The following KRAS variants were observed in gnomAD, a reference collection of about 807,000 sequenced individuals.
KRAS encodes KRas proto-oncogene, GTPase.
Under a neutral mutation model 21.0 loss-of-function variants are expected in KRAS, and 1 was observed. The ratio of observed to expected loss-of-function variants is 0.05; its 90% CI spans 0.02 to 0.23. The LOEUF is 0.23. Among genes scored for constraint, KRAS ranks in the 10% least tolerant of loss-of-function variants. The pLI is 1.00. For synonymous variants in KRAS, 67 were observed against 72.5 expected (o/e 0.92, Z 0.39); for missense variants, 107 against 221.8 (o/e 0.48, Z 3.29).
chr12:25,215,647 T>G (rs942442847), intron 4 of KRAS: 43 of 1,158,698 alleles, frequency 3.7e-5, no homozygotes, highest in Non-Finnish European at 5.0e-5. Context: ...AGTTTGAGAT[T>G]ATGAGCTTGA....
intron 2 of KRAS, chr12:25,234,912 A>T: frequency 4.0e-6 from 1 of 247,244 alleles, no homozygotes. Flanking sequence ...TGTTTACTAT[A>T]TTGTAGTAAA....
intron 4 of KRAS, among the ~76,000 whole-genome samples, chr12:25,222,723 C>G (rs1348374705): frequency 6.6e-6 from 1 of 151,982 alleles, no homozygotes; most frequent in African/African-American, 2.4e-5. Context: ...CTGTATAAAA[C>G]CTAAAAATCT....
intron 4 of KRAS, among the ~76,000 whole-genome samples, chr12:25,221,311 C>T (rs977417012): frequency 1.3e-5 from 2 of 150,730 alleles, no homozygotes; most frequent in Non-Finnish European, 2.9e-5. Context: ...GGGCTCACTA[C>T]AGCCTCTGCC....
At position 25,208,708 on chromosome 12, in the gene KRAS, C is replaced by CCAA. The variant is rs777157397; in HGVS notation, c.*1084_*1086dup. 4.3e-5 allele frequency: 10 copies of CCAA among 232,918 alleles called. No homozygotes were observed. Among genetic ancestry groups the CCAA allele is most frequent in the African/African-American group, 1.3e-4 (6 of 45,434 alleles). 14.4% of individuals were successfully genotyped at this position (232,918 alleles called of 1,614,324 possible). A position where few individuals can be genotyped will look rare whatever the true frequency, so the allele number is the denominator to read the frequency against. On this transcript the variant is annotated 3_prime_UTR_variant, in exon 5 of 5. Transcript: ENST00000311936. ...CCTAGTCCCTCCCCATTTTGACTAA[C>CCAA]CAATGCATGACAACACTGGATGACC...
At chr12:25,232,850 GACATA>G (rs1951491742) in intron 2 of KRAS, among the ~76,000 whole-genome samples, 1 of 152,078 alleles carries the variant, frequency 6.6e-6, no homozygotes, top group Non-Finnish European at 1.5e-5. Context: ...CATTTCTGGT[GACATA>G]ATAAGCACAA....
chr12:25,250,896 C>CGCT lies in KRAS; in HGVS notation c.-160_-158dup, dbSNP rs397517034. 410 of 250,204 alleles carry CGCT rather than the reference C, an allele frequency of 1.6e-3. 2 individuals carry two copies. The highest frequency in any genetic ancestry group is 8.6e-3 in the African/African-American group (385 of 44,750). The allele number at this position is 250,204 out of a possible 1,614,324, so 15.5% of individuals were successfully genotyped here. ...CCTTCGCCGCCGCCACTGCCGCCGC[C>CGCT]GCTGCTGCCTCCGCCGCCGCGGCCG... On this transcript the variant is annotated 5_prime_UTR_variant, in exon 1 of 5. Transcript: ENST00000311936.
chr12:25,209,084 C>T lies in KRAS; in HGVS notation c.*711G>A, dbSNP rs188697761. On this transcript the variant is annotated 3_prime_UTR_variant, in exon 5 of 5. Coordinates refer to ENST00000311936, the MANE Select transcript of KRAS (RefSeq NM_004985.5). ...CCATTTCATACTGGGTCTGCCTTAA[C>T]AGGAAAAGCTATTAGGAGTCTTTAT... 4.6e-6 allele frequency: 2 copies of T among 435,654 alleles called. No individual in the cohort carries two copies. The highest frequency in any genetic ancestry group is 7.8e-5 in the Admixed American group (2 of 25,632). The allele number at this position is 435,654 out of a possible 1,614,324, so 27.0% of individuals were successfully genotyped here. A position where few individuals can be genotyped will look rare whatever the true frequency, so the allele number is the denominator to read the frequency against.
chr12:25,239,296 G>C (rs1471650236), intron 2 of KRAS, among the ~76,000 whole-genome samples: 3 of 151,702 alleles, frequency 2.0e-5, no homozygotes, highest in African/African-American at 7.3e-5. Context: ...GGTTTTTCTA[G>C]GTTTTCATTT....
chr12:25,242,600 C>T (rs16928568), intron 2 of KRAS, among the ~76,000 whole-genome samples: 3,036 of 152,162 alleles, frequency 0.02, 79 homozygotes, highest in African/African-American at 0.069. Flanking sequence ...TGCACAGCCT[C>T]GAATACAAAC....
At chr12:25,228,239 C>G (rs1004549813) in intron 2 of KRAS, among the ~76,000 whole-genome samples, 4 of 115,258 alleles carry the variant, frequency 3.5e-5, no homozygotes, top group African/African-American at 6.8e-5. Flanking sequence ...GCTGGTTGAA[C>G]TCCTGGGCTC....
intron 4 of KRAS, among the ~76,000 whole-genome samples, chr12:25,221,155 G>C (rs1247593133): frequency 6.6e-6 from 1 of 150,866 alleles, no homozygotes; most frequent in Non-Finnish European, 1.5e-5. Flanking sequence ...CTAACTTCTA[G>C]TAGCTAATCA....
chr12:25,233,729 CTGT>C (rs1413962915), intron 2 of KRAS: 1 of 210,914 alleles, frequency 4.7e-6, no homozygotes, highest in Non-Finnish European at 9.6e-6. Context: ...GGGCTCACGC[CTGT>C]TGTACTCACC....
At chr12:25,220,841 A>G (rs545475390) in intron 4 of KRAS, among the ~76,000 whole-genome samples, 1 of 152,140 alleles carries the variant, frequency 6.6e-6, no homozygotes, top group East Asian at 1.9e-4. Context: ...CCTGGCCAAC[A>G]TGGCGAAACC....
At chr12:25,236,804 A>C (rs570306924) in intron 2 of KRAS, among the ~76,000 whole-genome samples, 1 of 152,148 alleles carries the variant, frequency 6.6e-6, no homozygotes, top group Non-Finnish European at 1.5e-5. Flanking sequence ...GTAGGAATGT[A>C]AACAGTACAA....
At chr12:25,229,427 A>C (rs1327183170) in intron 2 of KRAS, among the ~76,000 whole-genome samples, 1 of 152,214 alleles carries the variant, frequency 6.6e-6, no homozygotes, top group Non-Finnish European at 1.5e-5. Flanking sequence ...GGATATCTCT[A>C]AAGAGCAATA....
At position 25,225,596 on chromosome 12, in the gene KRAS, T is replaced by A. The variant is rs1258040595; in HGVS notation, c.450+18A>T. 1 of 1,611,134 alleles carries A rather than the reference T, an allele frequency of 6.2e-7. No homozygotes were observed. The highest frequency in any genetic ancestry group is 1.7e-5 in the Admixed American group (1 of 59,992). On this transcript the variant is annotated intron_variant, in intron 4 of 4. Coordinates refer to ENST00000311936, the MANE Select transcript of KRAS (RefSeq NM_004985.5). ...ATTTTGCAGAAAACAGATCTGTATT[T>A]ATTTCAGTGTTACTTACCTGTCTTG...
At chr12:25,211,778 C>T (rs1951202462) in intron 4 of KRAS, among the ~76,000 whole-genome samples, 1 of 152,032 alleles carries the variant, frequency 6.6e-6, no homozygotes, top group Non-Finnish European at 1.5e-5. Flanking sequence ...AGAGGCTAGT[C>T]CACATTAAGC....
At position 25,208,280 on chromosome 12, in the gene KRAS, C is replaced by T. The variant is rs905309797; in HGVS notation, c.*1515G>A. The T allele has an allele frequency of 1.7e-5, 4 of 233,166 alleles. No individual in the cohort carries two copies. The highest frequency in any genetic ancestry group is 8.8e-5 in the African/African-American group (4 of 45,302). The allele number at this position is 233,166 out of a possible 1,614,324, so 14.4% of individuals were successfully genotyped here. A position where few individuals can be genotyped will look rare whatever the true frequency, so the allele number is the denominator to read the frequency against. On this transcript the variant is annotated 3_prime_UTR_variant, in exon 5 of 5. Coordinates refer to ENST00000311936, the MANE Select transcript of KRAS (RefSeq NM_004985.5). The stretch of plus-strand genomic sequence containing the variant: ...AGACACCTATCTAGAACCTAAGTCA[C>T]CTTCTTCCTAGTCCAGTGATACTTT...
chr12:25,248,277 AT>A (rs1417991538), intron 1 of KRAS, among the ~76,000 whole-genome samples: 1 of 152,084 alleles, frequency 6.6e-6, no homozygotes, highest in Non-Finnish European at 1.5e-5. Context: ...CCTGGCCAAC[AT>A]GGTGAAATCC....
Sources: allele counts gnomAD v4.1 joint callset (sites outside exome capture counted in the v4.1 genomes callset), GRCh38; gene constraint gnomAD v4.1.1; transcripts MANE v1.5; gene names NCBI Gene and HGNC (gene_info 2026-07-23, HGNC 2026-07-21).